B4GALNT1: variants seen among roughly 807,000 people sequenced by gnomAD.
The protein encoded by B4GALNT1 is beta-1,4-N-acetyl-galactosaminyltransferase 1.
B4GALNT1 carries 43 observed loss-of-function variants against 55.2 expected under a neutral mutation model. The observed-to-expected ratio is 0.78, with a 90% CI of 0.61 to 1.00. The LOEUF is 1.00. Among genes scored for constraint, B4GALNT1 ranks in the 50% least tolerant of loss-of-function variants. The pLI is 0.00. For synonymous variants in B4GALNT1, 305 were observed against 311.6 expected (o/e 0.98, Z 0.22); for missense variants, 664 against 729.7 (o/e 0.91, Z 1.04).
At chr12:57,630,353 G>A (rs756205114) in intron 5 of B4GALNT1, 21 bp from the exon 6 acceptor site, 1 of 1,609,850 alleles carries the variant, frequency 6.2e-7, no homozygotes, top group South Asian at 1.1e-5. Flanking sequence ...ATTGGAGAGT[G>A]CAGGGTTAGG....
At position 57,630,969 on chromosome 12, in the gene B4GALNT1, C is replaced by A. The variant is rs771923527; in HGVS notation, c.490+11G>T. The A allele has an allele frequency of 1.9e-6, 3 of 1,610,206 alleles. No homozygotes were observed. The highest frequency in any genetic ancestry group is 1.7e-6 in the Non-Finnish European group (2 of 1,178,006). ...GTGGCTGAGGTCATCCTCTGGGACC[C>A]TCCTCCCTACCTGGCACCAAGATGC... On this transcript the variant is annotated intron_variant, in intron 4 of 10. Transcript: ENST00000341156.
Position 57,628,122 on chromosome 12 carries a change from C to T in B4GALNT1, c.1143G>A (p.Leu381=). Residue 381 remains leucine (L), a splice_region_variant and synonymous_variant, in exon 9 of 11, where the codon CTG becomes CTA. Transcript: ENST00000341156. The stretch of plus-strand genomic sequence containing the variant: ...CCACATCCTGCAGCCCCTGCCCTAC[C>T]AGGTCCAGCGGCGTCCGCTCCAGCA... ...VDVLERTPLD[L]VGGAVREISG... 1 of 1,613,816 alleles carries T rather than the reference C, an allele frequency of 6.2e-7. No individual in the cohort carries two copies. Among genetic ancestry groups the T allele is most frequent in the Admixed American group, 1.7e-5 (1 of 60,030 alleles).
chr12:57,627,874 G>A lies in B4GALNT1; in HGVS notation c.1144-16C>T. On this transcript the variant is annotated splice_polypyrimidine_tract_variant and intron_variant, in intron 9 of 10. Coordinates refer to ENST00000341156, the MANE Select transcript of B4GALNT1 (RefSeq NM_001478.5). ...CGCCCCCCACCTGCAGGGAGAGGGA[G>A]GTTGCCTCCAGGCGGGCCTGGGATA... is the stretch of plus-strand genomic sequence containing the variant. The A allele has an allele frequency of 6.4e-7, 1 of 1,564,364 alleles. No homozygotes were observed. Among genetic ancestry groups the A allele is most frequent in the Non-Finnish European group, 8.7e-7 (1 of 1,154,474 alleles).
chr12:57,632,220 C>T, intron 1 of B4GALNT1, 87 bp from the exon 2 acceptor site: 2 of 1,252,416 alleles, frequency 1.6e-6, no homozygotes, highest in South Asian at 1.3e-5. Context: ...TCCTCAGAGG[C>T]TCCTGCCGGC....
rs1167571082 is a variant in B4GALNT1 at position 57,625,275 on chromosome 12, G to T, written c.*1469C>A. ...AGGGTGGTGGTCCTAGACTTCAGTG[G>T]TGTCACCTTTGCAGATGCTGCTGGG... is the stretch of plus-strand genomic sequence containing the variant. On this transcript the variant is annotated 3_prime_UTR_variant, in exon 11 of 11. Coordinates refer to ENST00000341156, the MANE Select transcript of B4GALNT1 (RefSeq NM_001478.5). The T allele has an allele frequency of 6.2e-7, 1 of 1,614,116 alleles. No individual in the cohort carries two copies. Among genetic ancestry groups the T allele is most frequent in the Non-Finnish European group, 8.5e-7 (1 of 1,180,000 alleles).
In B4GALNT1 at chr12:57,631,202, C is replaced by T. The variant is rs201294297; in HGVS notation, c.381G>A (p.Ser127=). 3.0e-5 allele frequency: 49 copies of T among 1,614,030 alleles called. No homozygotes were observed. The highest frequency in any genetic ancestry group is 2.2e-5 in the East Asian group (1 of 44,894). The change falls in exon 3 of 11, where the codon TCG becomes TCA. Residue 127 remains serine, a splice_region_variant and synonymous_variant. Coordinates refer to ENST00000341156, the MANE Select transcript of B4GALNT1 (RefSeq NM_001478.5). ...ATGCGCTTCTTTCAAGCTGGTACCT[C>T]GACAGAAAGGCCTGGAACTCCTGCT... The part of the protein sequence containing the change: ...TREQEFQAFL[S]RSQSPADQLL...
chr12:57,627,656 A>G lies in B4GALNT1; in HGVS notation c.1346T>C (p.Val449Ala). 6.2e-7 allele frequency: 1 copy of G among 1,604,750 alleles called. No individual in the cohort carries two copies. Among genetic ancestry groups the G allele is most frequent in the Non-Finnish European group, 8.5e-7 (1 of 1,173,666 alleles). ...FLARTDKVRE[V>A]GFDPRLSRVA... ...GCGGCTGAGGCGGGGGTCGAAACCG[A>G]CCTCGCGCACCTTGTCAGTCCGCGC... is the stretch of plus-strand genomic sequence containing the variant. Residue 449 changes from valine (V) to alanine (A), a missense_variant, in exon 10 of 11, where the codon GTC becomes GCC. Val to Ala is a moderately conservative substitution (Grantham distance 64, BLOSUM62 0). Transcript: ENST00000341156.
chr12:57,626,711 C>T lies in B4GALNT1; in HGVS notation c.*33G>A, dbSNP rs748469910. 1.2e-6 allele frequency: 2 copies of T among 1,610,876 alleles called. No homozygotes were observed. The highest frequency in any genetic ancestry group is 2.2e-5 in the East Asian group (1 of 44,848). Reference sequence around the variant, plus strand: ...TCCTGGCAGGGACAAGGAGGCAGGCCCAGCCTGACAGTCAGAAATCCCCAG... The same window carrying T: ...TCCTGGCAGGGACAAGGAGGCAGGCTCAGCCTGACAGTCAGAAATCCCCAG... On this transcript the variant is annotated 3_prime_UTR_variant, in exon 11 of 11. Transcript: ENST00000341156.
chr12:57,625,395 G>A lies in B4GALNT1; in HGVS notation c.*1349C>T. 6.2e-7 allele frequency: 1 copy of A among 1,614,138 alleles called. No individual in the cohort carries two copies. Among genetic ancestry groups the A allele is most frequent in the Non-Finnish European group, 8.5e-7 (1 of 1,180,018 alleles). On this transcript the variant is annotated 3_prime_UTR_variant, in exon 11 of 11. Transcript: ENST00000341156. ...CTCTGATCTGGGACTTAACCCCTTT[G>A]CCCCATCCCTGCAGCTGGCCAGCCG...
intron 7 of B4GALNT1, 44 bp downstream of exon 7, chr12:57,629,004 C>T: frequency 6.3e-7 from 1 of 1,591,440 alleles, no homozygotes. Context: ...ACTTGCTCCC[C>T]ACCAAGGCTG....
rs1328936218 is a variant in B4GALNT1 at position 57,624,070 on chromosome 12, A to G, written c.*2674T>C. 6.2e-7 allele frequency: 1 copy of G among 1,613,738 alleles called. No individual in the cohort carries two copies. Among genetic ancestry groups the G allele is most frequent in the Non-Finnish European group, 8.5e-7 (1 of 1,179,908 alleles). On this transcript the variant is annotated 3_prime_UTR_variant, in exon 11 of 11. Transcript: ENST00000341156. ...TTCTGCCAGATGCAGGAACTTCCAC[A>G]ACTATGGCACATCAGCCGAGTGGAC...
At chr12:57,629,297 C>T (rs905355626) in intron 6 of B4GALNT1, 151 bp from the exon 7 acceptor site, 2 of 578,944 alleles carry the variant, frequency 3.5e-6, no homozygotes, top group African/African-American at 3.8e-5. Flanking sequence ...AACTTACATT[C>T]TAATGGGTAG....
rs1178574444 is a variant in B4GALNT1 at position 57,631,321 on chromosome 12, C to A, written c.262G>T (p.Gly88Cys). ...TGTTTCTGGAAGGGGAGGGGGAGGC[C>A]CCCCCCACTGGACTCACAACTGCAG... ...NNCSCESSGG[G>C]LPLPFQKQVR... Residue 88 changes from glycine to cysteine, a missense_variant, in exon 3 of 11, where the codon GGC (glycine) becomes TGC (cysteine). Gly to Cys is a radical substitution (Grantham distance 159, BLOSUM62 -3). Coordinates refer to ENST00000341156, the MANE Select transcript of B4GALNT1 (RefSeq NM_001478.5). 1 of 1,613,936 alleles carries A rather than the reference C, an allele frequency of 6.2e-7. No individual in the cohort carries two copies. The highest frequency in any genetic ancestry group is 8.5e-7 in the Non-Finnish European group (1 of 1,179,950).
chr12:57,630,545 A>C, intron 4 of B4GALNT1, 27 bp from the exon 5 acceptor site: 2 of 1,591,842 alleles, frequency 1.3e-6, no homozygotes, highest in Non-Finnish European at 1.7e-6. Context: ...GGGGGATCAG[A>C]ATCACATAGG....
Position 57,624,992 on chromosome 12 carries a change from C to T in B4GALNT1, c.*1752G>A, listed in dbSNP as rs1029312125. ...CGGAGAAGGAGAAAAGGTGAAGGAG[C>T]TTGGTTTAGGAGGGATGTGGATCCT... On this transcript the variant is annotated 3_prime_UTR_variant, in exon 11 of 11. Transcript: ENST00000341156. 3 of 1,613,878 alleles carry T rather than the reference C, an allele frequency of 1.9e-6. No homozygotes were observed. Among genetic ancestry groups the T allele is most frequent in the Non-Finnish European group, 2.5e-6 (3 of 1,179,936 alleles).
chr12:57,631,091 C>A lies in B4GALNT1; in HGVS notation c.384-5G>T. The stretch of plus-strand genomic sequence containing the variant: ...TGGTCAGCTGGGGACTGGCTCCTGG[C>A]AGTGGAGGAAGGAGAGGACAGAGCA... On this transcript the variant is annotated splice_region_variant and splice_polypyrimidine_tract_variant and intron_variant, in intron 3 of 10. Coordinates refer to ENST00000341156, the MANE Select transcript of B4GALNT1 (RefSeq NM_001478.5). 1 of 1,609,894 alleles carries A rather than the reference C, an allele frequency of 6.2e-7. No homozygotes were observed. The highest frequency in any genetic ancestry group is 8.5e-7 in the Non-Finnish European group (1 of 1,178,152).
rs751884673 is a variant in B4GALNT1, at chr12:57,624,005, T to C, written c.*2739A>G. On this transcript the variant is annotated 3_prime_UTR_variant, in exon 11 of 11. Transcript: ENST00000341156. ...CAGCCCACCTCCTCTGCCTCAAGGCTGTCCTGGCTTGCATCAACATCTCCA... is the reference window on the plus strand; with the variant it reads ...CAGCCCACCTCCTCTGCCTCAAGGCCGTCCTGGCTTGCATCAACATCTCCA... 1.2e-6 allele frequency: 2 copies of C among 1,611,108 alleles called. No individual in the cohort carries two copies. Among genetic ancestry groups the C allele is most frequent in the East Asian group, 2.2e-5 (1 of 44,854 alleles).
chr12:57,631,403 T>C, intron 2 of B4GALNT1, 39 bp from the exon 3 acceptor site: 1 of 1,609,800 alleles, frequency 6.2e-7, no homozygotes, highest in Non-Finnish European at 8.5e-7. Context: ...AGAGCCCAGC[T>C]ACACAGCTCC....
At chr12:57,630,846 G>A (rs925467824) in intron 4 of B4GALNT1, 134 bp downstream of exon 4, 96 of 892,016 alleles carry the variant, frequency 1.1e-4, no homozygotes, top group African/African-American at 3.0e-4. Flanking sequence ...CTAAGCCGCC[G>A]TTTGAGCTTA....
Sources: gnomAD v4.1 joint callset for allele counts on GRCh38, gnomAD v4.1.1 for gene constraint, MANE v1.5 for transcripts, NCBI Gene and HGNC (gene_info 2026-07-23, HGNC 2026-07-21) for gene names.